Variants in GALNT17 observed in about 807,000 individuals in gnomAD.
GALNT17 encodes the protein polypeptide N-acetylgalactosaminyltransferase 17, also known as UDP-GalNAc:polypeptide N-acetylgalactosaminyltransferase-like 3.
Under a neutral mutation model 63.7 loss-of-function variants are expected in GALNT17, and 29 were observed. That is an observed-to-expected ratio of 0.46 (90% CI 0.34 to 0.62). The LOEUF is 0.62. Among genes scored for constraint, GALNT17 ranks in the 20% least tolerant of loss-of-function variants. The pLI is 0.01. For missense variants in GALNT17, 603 were observed against 799.6 expected (o/e 0.75, Z 2.97); for synonymous variants, 305 against 318.3 (o/e 0.96, Z 0.45).
rs77922157 is a variant in GALNT17 at position 71,358,705 on chromosome 7, T to C, written c.422+22972T>C. On this transcript the variant is annotated intron_variant, in intron 2 of 10. Coordinates refer to ENST00000333538, the MANE Select transcript of GALNT17 (RefSeq NM_022479.3). ...ATGTTGTAAAACGTGTTCAGAGATA[T>C]GTGGAACCCAGAATTTTCACTGATT... Among the ~76,000 whole-genome samples, 35 of 152,360 alleles carry C rather than the reference T, an allele frequency of 2.3e-4. 1 individual carries two copies. In the East Asian group the frequency reaches 6.8e-3, roughly 29 times the overall value.
intron 6 of GALNT17, among the ~76,000 whole-genome samples, chr7:71,595,258 C>CA (rs893280681): frequency 1.3e-5 from 2 of 151,880 alleles, no homozygotes; most frequent in Non-Finnish European, 2.9e-5. Context: ...CCTGTCCATA[C>CA]AAAAAATAAA....
intron 5 of GALNT17, among the ~76,000 whole-genome samples, chr7:71,563,102 A>G (rs1327963923): frequency 6.6e-6 from 1 of 152,212 alleles, no homozygotes; most frequent in African/African-American, 2.4e-5. Flanking sequence ...AGCACCAATA[A>G]GTGATTATTT....
chr7:71,468,926 C>A (rs553008637), intron 5 of GALNT17, among the ~76,000 whole-genome samples: 3 of 152,312 alleles, frequency 2.0e-5, no homozygotes, highest in Non-Finnish European at 2.9e-5. Flanking sequence ...TAAATCCCAA[C>A]AGAAGCTCTT....
chr7:71,537,436 T>A (rs1584033692), intron 5 of GALNT17, among the ~76,000 whole-genome samples: 1 of 151,600 alleles, frequency 6.6e-6, no homozygotes, highest in African/African-American at 2.4e-5. Flanking sequence ...GGTTAGGGGG[T>A]CTTTGCAGAT....
At chr7:71,371,805 A>T (rs1421856471) in intron 2 of GALNT17, among the ~76,000 whole-genome samples, 1 of 152,216 alleles carries the variant, frequency 6.6e-6, no homozygotes, top group Non-Finnish European at 1.5e-5. Context: ...CCATGGAGAT[A>T]GGAAAGGACC....
chr7:71,663,799 T>C (rs1187164718), intron 6 of GALNT17, among the ~76,000 whole-genome samples: 1 of 152,158 alleles, frequency 6.6e-6, no homozygotes, highest in African/African-American at 2.4e-5. Flanking sequence ...AGTGTCCCAG[T>C]ATTCTTGCTT....
At chr7:71,449,712 T>G (rs987296691) in intron 5 of GALNT17, among the ~76,000 whole-genome samples, 6 of 152,182 alleles carry the variant, frequency 3.9e-5, no homozygotes, top group Non-Finnish European at 1.5e-5. Context: ...TATTTATATA[T>G]TTTTCTCTTG....
intron 1 of GALNT17, among the ~76,000 whole-genome samples, chr7:71,332,085 A>G (rs1791816975): frequency 6.6e-6 from 1 of 152,106 alleles, no homozygotes; most frequent in African/African-American, 2.4e-5. Flanking sequence ...AAATACTAAA[A>G]ATTAGATTTT....
At chr7:71,192,238 C>T (rs965779576) in intron 1 of GALNT17, among the ~76,000 whole-genome samples, 1 of 152,060 alleles carries the variant, frequency 6.6e-6, no homozygotes, top group African/African-American at 2.4e-5. Flanking sequence ...GTGCCCACCC[C>T]CATTGAGGGT....
chr7:71,591,149 T>C (rs531611770), intron 6 of GALNT17, among the ~76,000 whole-genome samples: 8 of 152,182 alleles, frequency 5.3e-5, no homozygotes, highest in African/African-American at 1.9e-4. Context: ...CTCCACCTCA[T>C]GGGTTCAAGC....
intron 5 of GALNT17, among the ~76,000 whole-genome samples, chr7:71,567,811 A>G (rs1027781730): frequency 3.3e-5 from 5 of 152,186 alleles, no homozygotes; most frequent in African/African-American, 1.2e-4. Context: ...GACTTATGCA[A>G]TTATAGTCTT....
In GALNT17 at chr7:71,665,573, A is replaced by G. The variant is rs754272263; in HGVS notation, c.1243A>G (p.Ile415Val). 5 of 1,613,610 alleles carry G rather than the reference A, an allele frequency of 3.1e-6. No individual in the cohort carries two copies. The highest frequency in any genetic ancestry group is 3.4e-6 in the Non-Finnish European group (4 of 1,179,870). Reference sequence around the variant, plus strand: ...GGACGATTACAAGTCTCATGTGTACATAGCGTGGAACCTGCCGCTGGAGGT... The same window carrying G: ...GGACGATTACAAGTCTCATGTGTACGTAGCGTGGAACCTGCCGCTGGAGGT... ...WMDDYKSHVY[I>V]AWNLPLENPG... The change falls in exon 7 of 11, where the codon ATA (isoleucine) becomes GTA (valine). Residue 415 changes from isoleucine (I) to valine (V), a missense_variant. Around this residue, in one of 3 missense-constraint regions of GALNT17, gnomAD observed 336 missense variants for 507.8 expected, o/e 0.66. Coordinates refer to ENST00000333538, the MANE Select transcript of GALNT17 (RefSeq NM_022479.3).
chr7:71,559,016 A>T (rs1196086210), intron 5 of GALNT17, among the ~76,000 whole-genome samples: 2 of 152,212 alleles, frequency 1.3e-5, no homozygotes, highest in Non-Finnish European at 2.9e-5. Context: ...ATCTGAAGGA[A>T]GTTGTTGTTT....
chr7:71,154,160 G>C (rs546755926), intron 1 of GALNT17, among the ~76,000 whole-genome samples: 1 of 152,044 alleles, frequency 6.6e-6, no homozygotes, highest in Non-Finnish European at 1.5e-5. Flanking sequence ...CTTTGAAGCC[G>C]TGTGCCACCA....
intron 2 of GALNT17, among the ~76,000 whole-genome samples, chr7:71,336,226 G>A (rs1215887939): frequency 6.6e-6 from 1 of 151,896 alleles, no homozygotes; most frequent in Non-Finnish European, 1.5e-5. Flanking sequence ...TGTATTTTTA[G>A]TAGAGATGGG....
chr7:71,151,489 C>T (rs1204810395), intron 1 of GALNT17, among the ~76,000 whole-genome samples: 1 of 151,882 alleles, frequency 6.6e-6, no homozygotes, highest in African/African-American at 2.4e-5. Flanking sequence ...GGCGTGGTGG[C>T]AGGTGCCTGT....
At chr7:71,556,629 G>C (rs1220097097) in intron 5 of GALNT17, among the ~76,000 whole-genome samples, 1 of 151,866 alleles carries the variant, frequency 6.6e-6, no homozygotes, top group Non-Finnish European at 1.5e-5. Context: ...CTCTGCTCTC[G>C]GCTCACTGCA....
intron 5 of GALNT17, among the ~76,000 whole-genome samples, chr7:71,486,874 CA>C (rs1290382542): frequency 1.4e-5 from 2 of 147,556 alleles, no homozygotes; most frequent in Non-Finnish European, 3.0e-5. Flanking sequence ...AAAAAAAAAA[CA>C]AAAAAAAACG....
chr7:71,309,144 C>T (rs1294471368), intron 1 of GALNT17, among the ~76,000 whole-genome samples: 1 of 151,892 alleles, frequency 6.6e-6, no homozygotes, highest in Admixed American at 6.6e-5. Context: ...TTTTTCCCTT[C>T]AGTGCCATTT....
Sources: allele counts gnomAD v4.1 joint callset (sites outside exome capture counted in the v4.1 genomes callset), GRCh38; gene constraint gnomAD v4.1.1; regional missense constraint gnomAD v4.1.1; transcripts MANE v1.5; gene names NCBI Gene and HGNC (gene_info 2026-07-23, HGNC 2026-07-21).